LRRC40: variants seen among roughly 807,000 people sequenced by gnomAD.
LRRC40 encodes the protein leucine rich repeat containing 40, also known as leucine-rich repeat-containing protein 40.
LRRC40 carries 76 observed loss-of-function variants against 72.8 expected under a neutral mutation model. The observed-to-expected ratio is 1.04, with a 90% CI of 0.87 to 1.26. LRRC40 has a LOEUF of 1.26. Ranked by LOEUF, LRRC40 falls within the 50% of genes most tolerant of loss-of-function variation. The pLI, the probability that LRRC40 is intolerant of heterozygous loss-of-function variation, is 0.00. For synonymous variants in LRRC40, 243 were observed against 254.2 expected (o/e 0.96, Z 0.42); for missense variants, 684 against 698.9 (o/e 0.98, Z 0.24).
chr1:70,150,022 A>G (rs561490158), intron 13 of LRRC40, among the ~76,000 whole-genome samples: 4 of 152,076 alleles, frequency 2.6e-5, no homozygotes, highest in Non-Finnish European at 5.9e-5. Context: ...CTGGGGTTCA[A>G]GCGATTCTCC....
intron 1 of LRRC40, among the ~76,000 whole-genome samples, chr1:70,201,580 T>C (rs1318977441): frequency 6.6e-6 from 1 of 152,170 alleles, no homozygotes; most frequent in Admixed American, 6.5e-5. Context: ...AAGTTCTTAA[T>C]AGACACCTCA....
intron 1 of LRRC40, among the ~76,000 whole-genome samples, chr1:70,191,092 T>C (rs1668490441): frequency 6.6e-6 from 1 of 151,538 alleles, no homozygotes; most frequent in Non-Finnish European, 1.5e-5. Context: ...TGTGGTCACA[T>C]ATATATTTTA....
At chr1:70,172,078 A>T (rs1020995916) in intron 9 of LRRC40, among the ~76,000 whole-genome samples, 2 of 152,166 alleles carry the variant, frequency 1.3e-5, no homozygotes, top group African/African-American at 4.8e-5. Flanking sequence ...GTAACTAGAT[A>T]TTGAGGGCAG....
At chr1:70,164,273 C>T (rs1307542952) in intron 9 of LRRC40, among the ~76,000 whole-genome samples, 1 of 151,980 alleles carries the variant, frequency 6.6e-6, no homozygotes. Context: ...GCCTGTAATC[C>T]CAGCTACTCA....
chr1:70,165,093 C>T (rs1476018474), intron 9 of LRRC40, among the ~76,000 whole-genome samples: 2 of 152,124 alleles, frequency 1.3e-5, no homozygotes, highest in Non-Finnish European at 2.9e-5. Context: ...AACATAACAA[C>T]ACATCAATTA....
intron 6 of LRRC40, among the ~76,000 whole-genome samples, chr1:70,176,392 C>A (rs1429625083): frequency 6.6e-6 from 1 of 151,664 alleles, no homozygotes; most frequent in Non-Finnish European, 1.5e-5. Context: ...ATTAGCCAGG[C>A]GTGGTGGAGC....
At position 70,189,078 on chromosome 1, in the gene LRRC40, G is replaced by A. The variant is rs1249884873; in HGVS notation, c.333+14C>T. On this transcript the variant is annotated intron_variant, in intron 2 of 14. Coordinates refer to ENST00000370952, the MANE Select transcript of LRRC40 (RefSeq NM_017768.5). ...CTTCAATTAATAATCCATATTTATA[G>A]TCAGTCAACTTACATCAAGAACAGT... The A allele has an allele frequency of 6.3e-7, 1 of 1,598,750 alleles. No homozygotes were observed. Among genetic ancestry groups the A allele is most frequent in the Admixed American group, 1.7e-5 (1 of 57,908 alleles).
chr1:70,164,825 A>G (rs1409579876), intron 9 of LRRC40, among the ~76,000 whole-genome samples: 1 of 152,228 alleles, frequency 6.6e-6, no homozygotes, highest in African/African-American at 2.4e-5. Flanking sequence ...ATATTTTATA[A>G]ACAATAAAAA....
intron 4 of LRRC40, among the ~76,000 whole-genome samples, chr1:70,183,289 C>A (rs1365965171): frequency 6.6e-6 from 1 of 151,822 alleles, no homozygotes; most frequent in Admixed American, 6.6e-5. Flanking sequence ...AATAACAATG[C>A]AATATGAATT....
chr1:70,164,341 G>A (rs1667832459), intron 9 of LRRC40, among the ~76,000 whole-genome samples: 1 of 152,040 alleles, frequency 6.6e-6, no homozygotes, highest in Non-Finnish European at 1.5e-5. Flanking sequence ...AGTGAGCCGA[G>A]ATCGCGACAT....
chr1:70,173,631 T>G lies in LRRC40; in HGVS notation c.1056A>C (p.Glu352Asp). ...EGNPLRTIRR[E>D]IISKGTQEVL... is the part of the protein sequence containing the mutation. ...TTCCAAATATACTTACACTTATAAT[T>G]TCTCTTCGAATTGTTCTCAAAGGAT... is the stretch of plus-strand genomic sequence containing the variant. Residue 352 changes from glutamate (E) to aspartate (D), a missense_variant, in exon 8 of 15, where the codon GAA becomes GAC. Glu to Asp is a conservative substitution (Grantham distance 45, BLOSUM62 2). Coordinates refer to ENST00000370952, the MANE Select transcript of LRRC40 (RefSeq NM_017768.5). 6.4e-7 allele frequency: 1 copy of G among 1,566,170 alleles called. No individual in the cohort carries two copies. Among genetic ancestry groups the G allele is most frequent in the Non-Finnish European group, 8.7e-7 (1 of 1,146,948 alleles).
At chr1:70,151,067 T>G (rs951122939) in intron 13 of LRRC40, 61 bp downstream of exon 13, 1 of 948,078 alleles carries the variant, frequency 1.1e-6, no homozygotes, top group Non-Finnish European at 1.6e-6. Context: ...TTTTGTTTTC[T>G]CCAATGAGAA....
At chr1:70,203,948 T>C (rs1668815250) in intron 1 of LRRC40, among the ~76,000 whole-genome samples, 1 of 152,184 alleles carries the variant, frequency 6.6e-6, no homozygotes, top group African/African-American at 2.4e-5. Flanking sequence ...GTTTCTGCCA[T>C]TTATATCTTT....
chr1:70,180,752 T>C (rs1238812394), intron 5 of LRRC40, among the ~76,000 whole-genome samples: 1 of 152,152 alleles, frequency 6.6e-6, no homozygotes, highest in Admixed American at 6.5e-5. Context: ...CAACTAAATA[T>C]CATAGGTAGA....
chr1:70,164,236 C>A (rs1264151958), intron 9 of LRRC40, among the ~76,000 whole-genome samples: 1 of 151,812 alleles, frequency 6.6e-6, no homozygotes, highest in Non-Finnish European at 1.5e-5. Context: ...ACTAAAAATA[C>A]AAAATTAGCC....
At chr1:70,163,318 A>C (rs1479965973) in intron 9 of LRRC40, among the ~76,000 whole-genome samples, 2 of 151,756 alleles carry the variant, frequency 1.3e-5, no homozygotes, top group South Asian at 2.1e-4. Context: ...CAATCTCCTG[A>C]CCTTCTGATC....
chr1:70,204,364 T>C (rs190047937), intron 1 of LRRC40, among the ~76,000 whole-genome samples: 38 of 152,280 alleles, frequency 2.5e-4, no homozygotes, highest in Middle Eastern at 6.8e-3. Flanking sequence ...TAGTGATAAA[T>C]GCTGTTAAAA....
intron 1 of LRRC40, among the ~76,000 whole-genome samples, chr1:70,204,293 G>A (rs1668836676): frequency 6.6e-6 from 1 of 152,096 alleles, no homozygotes; most frequent in Non-Finnish European, 1.5e-5. Context: ...CTGACTTCAT[G>A]ATATTAACCT....
intron 13 of LRRC40, among the ~76,000 whole-genome samples, chr1:70,149,943 CAG>C (rs1292146787): frequency 3.9e-5 from 6 of 152,160 alleles, no homozygotes; most frequent in East Asian, 1.9e-4. Context: ...TTTTTTGAGA[CAG>C]AGTCTTGCTC....
Sources: allele counts gnomAD v4.1 joint callset (sites outside exome capture counted in the v4.1 genomes callset), GRCh38; gene constraint gnomAD v4.1.1; transcripts MANE v1.5; gene names NCBI Gene and HGNC (gene_info 2026-07-23, HGNC 2026-07-21).